SLC39A11: variants seen among roughly 807,000 people sequenced by gnomAD.
SLC39A11 encodes solute carrier family 39 member 11, also known as zinc transporter ZIP11.
A neutral mutation model predicts 36.1 loss-of-function variants in SLC39A11; 33 were observed. The ratio of observed to expected loss-of-function variants is 0.91; its 90% confidence interval spans 0.69 to 1.22. The LOEUF (loss-of-function observed/expected upper bound fraction) is 1.22. Ranked by LOEUF, SLC39A11 falls within the 50% of genes most tolerant of loss-of-function variation. The probability of loss-of-function intolerance (pLI) is 0.00; values close to 1 mark genes in which losing one functional copy is unlikely to be tolerated. For synonymous variants in SLC39A11, 166 were observed against 170.3 expected (o/e 0.97, Z 0.20); for missense variants, 432 against 430.3 (o/e 1.00, Z -0.03).
intron 5 of SLC39A11, among the ~76,000 whole-genome samples, chr17:72,863,252 A>G (rs73998439): frequency 0.045 from 6,866 of 152,240 alleles, 149 homozygotes; most frequent in Middle Eastern, 0.075. Flanking sequence ...GAAGCAAATT[A>G]CCTTTTGCCA....
At chr17:72,987,303 T>C (rs2088834899) in intron 4 of SLC39A11, among the ~76,000 whole-genome samples, 2 of 152,200 alleles carry the variant, frequency 1.3e-5, no homozygotes, top group Admixed American at 1.3e-4. Flanking sequence ...TGTCTGTAAA[T>C]TACCCAGCCT....
At chr17:72,878,020 C>G (rs560613364) in intron 5 of SLC39A11, among the ~76,000 whole-genome samples, 4 of 140,362 alleles carry the variant, frequency 2.8e-5, no homozygotes, top group Admixed American at 7.4e-5. Flanking sequence ...CTTCCTGGGT[C>G]CATGTGTTCT....
At chr17:72,802,462 C>A (rs566895198) in intron 6 of SLC39A11, among the ~76,000 whole-genome samples, 1 of 151,242 alleles carries the variant, frequency 6.6e-6, no homozygotes, top group Non-Finnish European at 1.5e-5. Flanking sequence ...CGGTGGCGGG[C>A]GCCTGTAATC....
chr17:73,033,560 T>C (rs7209250), intron 3 of SLC39A11, among the ~76,000 whole-genome samples: 37,029 of 152,006 alleles, frequency 0.24, 5,689 homozygotes, highest in African/African-American at 0.42. Flanking sequence ...CTGGGCAACA[T>C]AGCGAGACTC....
chr17:72,808,851 C>A (rs956185804), intron 6 of SLC39A11, among the ~76,000 whole-genome samples: 1 of 152,066 alleles, frequency 6.6e-6, no homozygotes, highest in African/African-American at 2.4e-5. Context: ...ATTTCATCCC[C>A]AACCAATCAG....
intron 3 of SLC39A11, among the ~76,000 whole-genome samples, chr17:73,079,005 A>G (rs1040926979): frequency 1.3e-5 from 2 of 152,106 alleles, no homozygotes; most frequent in African/African-American, 4.8e-5. Context: ...AATTTACATC[A>G]TTGCTTTTTC....
At chr17:72,865,920 T>C (rs2080277921) in intron 5 of SLC39A11, among the ~76,000 whole-genome samples, 1 of 152,168 alleles carries the variant, frequency 6.6e-6, no homozygotes, top group South Asian at 2.1e-4. Flanking sequence ...ACAAATTAGA[T>C]AGTCGGATAT....
At chr17:72,769,163 G>C (rs573226022) in intron 6 of SLC39A11, among the ~76,000 whole-genome samples, 17 of 152,302 alleles carry the variant, frequency 1.1e-4, no homozygotes, top group African/African-American at 4.1e-4. Context: ...CTCTTAGCCA[G>C]TGGCTCTGTC....
intron 6 of SLC39A11, among the ~76,000 whole-genome samples, chr17:72,787,442 A>G (rs1286412838): frequency 1.3e-5 from 2 of 151,756 alleles, no homozygotes; most frequent in African/African-American, 4.8e-5. Context: ...TATTTTTAGT[A>G]AAGACAGGGT....
In SLC39A11 at chr17:72,649,231, CG is replaced by C. The variant is rs1408676013; in HGVS notation, c.708del (p.Glu237ArgfsTer25). On this transcript the variant is annotated frameshift_variant, in exon 8 of 10. Coordinates refer to ENST00000255559, the MANE Select transcript of SLC39A11 (RefSeq NM_139177.4). LOFTEE classifies it high-confidence loss of function. ...AAGGGAAGGCTGACAGCCAGGCCCT[CG>C]GGGAAATTCTGGATCCCGATTCCAA... ...LAIGIGIQNF[P>X]EGLAVSLPLR... 6.2e-7 allele frequency: 1 copy of C among 1,614,068 alleles called. No individual in the cohort carries two copies. Among genetic ancestry groups the C allele is most frequent in the Admixed American group, 1.7e-5 (1 of 60,004 alleles).
rs546050790 is a variant in SLC39A11, at chr17:72,665,018, G to T, written c.672-15750C>A. Among the ~76,000 whole-genome samples, 7 of 152,288 alleles carry T rather than the reference G, an allele frequency of 4.6e-5. No homozygotes were observed. The South Asian group carries it at 1.2e-3, about 27-fold the overall frequency. ...CATTTCTTCAACTCTTTGAAGGCAAGGCCACAGGACCTTCCCAAGGCCAGA... is the reference window on the plus strand; with the variant it reads ...CATTTCTTCAACTCTTTGAAGGCAATGCCACAGGACCTTCCCAAGGCCAGA... On this transcript the variant is annotated intron_variant, in intron 7 of 9. Transcript: ENST00000255559.
At chr17:72,652,133 T>C (rs76457900) in intron 7 of SLC39A11, among the ~76,000 whole-genome samples, 11,854 of 152,280 alleles carry the variant, frequency 0.078, 680 homozygotes, top group Non-Finnish European at 0.11. Flanking sequence ...ACATAAACCA[T>C]TGAGTGTGGC....
chr17:73,009,125 A>G (rs1279803774), intron 4 of SLC39A11, among the ~76,000 whole-genome samples: 2 of 150,616 alleles, frequency 1.3e-5, no homozygotes, highest in East Asian at 3.9e-4. Context: ...GCACTTTGGG[A>G]GGCCAAGGCG....
intron 6 of SLC39A11, chr17:72,837,883 G>T: frequency 1.8e-6 from 2 of 1,133,712 alleles, no homozygotes; most frequent in Non-Finnish European, 2.2e-6. Flanking sequence ...GGGCTGGAGG[G>T]AGGGAGGAAT....
In SLC39A11 at chr17:72,649,232, G is replaced by A. The variant is rs760317658; in HGVS notation, c.708C>T (p.Pro236=). ...LAIGIGIQNF[P]EGLAVSLPLR... ...AGGGAAGGCTGACAGCCAGGCCCTC[G>A]GGGAAATTCTGGATCCCGATTCCAA... Residue 236 remains proline (P), a synonymous_variant, in exon 8 of 10, where the codon CCC becomes CCT. Coordinates refer to ENST00000255559, the MANE Select transcript of SLC39A11 (RefSeq NM_139177.4). The A allele has an allele frequency of 8.7e-6, 14 of 1,614,156 alleles. No individual in the cohort carries two copies. Among genetic ancestry groups the A allele is most frequent in the Middle Eastern group, 1.7e-4 (1 of 6,060 alleles).
chr17:72,918,369 A>G (rs1392325750), intron 5 of SLC39A11, among the ~76,000 whole-genome samples: 1 of 152,176 alleles, frequency 6.6e-6, no homozygotes, highest in Non-Finnish European at 1.5e-5. Context: ...AGATCGCACC[A>G]TTGCACTCCA....
intron 3 of SLC39A11, among the ~76,000 whole-genome samples, chr17:73,042,830 A>T (rs1389766816): frequency 1.3e-5 from 2 of 152,108 alleles, no homozygotes; most frequent in Non-Finnish European, 2.9e-5. Context: ...TAAGAAGAAG[A>T]ATTACCCAGA....
intron 4 of SLC39A11, among the ~76,000 whole-genome samples, chr17:72,948,178 C>G (rs1437622955): frequency 1.3e-5 from 2 of 151,990 alleles, no homozygotes; most frequent in Admixed American, 1.3e-4. Flanking sequence ...CACCAAAACT[C>G]CACTGCAAGC....
At chr17:72,702,739 C>T (rs975632100) in intron 7 of SLC39A11, among the ~76,000 whole-genome samples, 1 of 151,776 alleles carries the variant, frequency 6.6e-6, no homozygotes, top group Non-Finnish European at 1.5e-5. Flanking sequence ...GAGTTCCAGA[C>T]CAGCTTGGCC....
Sources: gnomAD v4.1 joint callset for allele counts (sites outside exome capture counted in the v4.1 genomes callset) on GRCh38, gnomAD v4.1.1 for gene constraint, MANE v1.5 for transcripts, NCBI Gene and HGNC (gene_info 2026-07-23, HGNC 2026-07-21) for gene names.